Variants in AXDND1 observed in about 807,000 individuals in gnomAD.
The protein encoded by AXDND1 is axonemal dynein light chain domain-containing protein 1.
A neutral mutation model predicts 137.5 loss-of-function variants in AXDND1; 110 were observed. The ratio of observed to expected loss-of-function variants is 0.80; its 90% CI spans 0.69 to 0.94. The LOEUF is 0.94. AXDND1 is among the 40% of genes least tolerant of loss of function. AXDND1 has a pLI of 0.00. For synonymous variants in AXDND1, 414 were observed against 399.7 expected (o/e 1.04, Z -0.43); for missense variants, 1,191 against 1,169.8 (o/e 1.02, Z -0.26).
At chr1:179,516,862 C>T (rs1414964159) in intron 21 of AXDND1, among the ~76,000 whole-genome samples, 2 of 152,098 alleles carry the variant, frequency 1.3e-5, no homozygotes, top group Admixed American at 6.6e-5. Context: ...GAGGTGGCAG[C>T]GGGGGTGAAA....
rs183372912 is a variant in AXDND1, at chr1:179,500,961, C to G, written c.2388+8010C>G. On this transcript the variant is annotated intron_variant, in intron 20 of 25. Transcript: ENST00000367618. ...TACTGGGATTACAGGTGTGAGCCAC[C>G]ATGCCTGGCTGAATTAATTTAAATT... is the stretch of plus-strand genomic sequence containing the variant. Among the ~76,000 whole-genome samples the G allele has an allele frequency of 9.9e-5, 15 of 152,254 alleles. No homozygotes were observed. The East Asian group carries it at 2.9e-3, about 29-fold the overall frequency.
intron 20 of AXDND1, among the ~76,000 whole-genome samples, chr1:179,496,413 G>A (rs1667454351): frequency 6.6e-6 from 1 of 152,006 alleles, no homozygotes; most frequent in Non-Finnish European, 1.5e-5. Flanking sequence ...ATCACATATA[G>A]AGCTATTATT....
At chr1:179,478,305 G>A (rs755833392) in intron 17 of AXDND1, among the ~76,000 whole-genome samples, 2 of 152,218 alleles carry the variant, frequency 1.3e-5, no homozygotes, top group East Asian at 1.9e-4. Context: ...CCTAGCAGAC[G>A]TTCTCCATTA....
intron 20 of AXDND1, among the ~76,000 whole-genome samples, chr1:179,493,480 A>G (rs1667140420): frequency 1.3e-5 from 2 of 152,128 alleles, no homozygotes; most frequent in Non-Finnish European, 2.9e-5. Context: ...TAAGTCTTTG[A>G]ATGGATGTAT....
rs566182204 is a variant in AXDND1 at position 179,413,598 on chromosome 1, A to G, written c.1230+2332A>G. Among the ~76,000 whole-genome samples the G allele has an allele frequency of 9.2e-5, 14 of 152,334 alleles. No individual in the cohort carries two copies. In the South Asian group the frequency reaches 1.7e-3, roughly 18 times the overall value. On this transcript the variant is annotated intron_variant, in intron 12 of 25. Coordinates refer to ENST00000367618, the MANE Select transcript of AXDND1 (RefSeq NM_144696.6). ...TAATTTCATTCTCTTTTATGGCTGC[A>G]TAATATTCCATGGTATATACCACAT...
intron 21 of AXDND1, among the ~76,000 whole-genome samples, chr1:179,521,758 A>AT (rs34139679): frequency 0.046 from 5,672 of 123,460 alleles, 155 homozygotes; most frequent in Middle Eastern, 0.072. Flanking sequence ...TCATTCTTAC[A>AT]TTTTTTTTTT....
chr1:179,456,028 C>T, intron 16 of AXDND1: 1 of 379,564 alleles, frequency 2.6e-6, no homozygotes, highest in Non-Finnish European at 5.1e-6. Context: ...CTAAAATAAC[C>T]TGTTATAGAG....
intron 11 of AXDND1, among the ~76,000 whole-genome samples, chr1:179,401,833 G>A (rs1652120850): frequency 6.6e-6 from 1 of 152,022 alleles, no homozygotes; most frequent in Non-Finnish European, 1.5e-5. Context: ...GGCCTCCCCA[G>A]CCACGTGGAA....
intron 12 of AXDND1, among the ~76,000 whole-genome samples, chr1:179,426,977 C>T (rs926240907): frequency 4.6e-5 from 7 of 151,974 alleles, no homozygotes; most frequent in Admixed American, 3.3e-4. Flanking sequence ...GCCTGGCCAA[C>T]GTGGTAAAAC....
intron 12 of AXDND1, among the ~76,000 whole-genome samples, chr1:179,413,423 A>G (rs1654193634): frequency 6.6e-6 from 1 of 152,210 alleles, no homozygotes; most frequent in East Asian, 1.9e-4. Flanking sequence ...TGGAGTCACC[A>G]GTGTCTATTA....
intron 20 of AXDND1, among the ~76,000 whole-genome samples, chr1:179,500,448 T>C (rs1212613959): frequency 6.6e-6 from 1 of 151,380 alleles, no homozygotes; most frequent in Non-Finnish European, 1.5e-5. Context: ...ATTTCAAAAT[T>C]ATAAAGTACT....
At chr1:179,386,197 G>A (rs918347376) in intron 9 of AXDND1, among the ~76,000 whole-genome samples, 2 of 151,768 alleles carry the variant, frequency 1.3e-5, no homozygotes, top group South Asian at 2.1e-4. Context: ...GATTACAGGC[G>A]CCTGCCACCA....
In AXDND1 at chr1:179,366,729, A is replaced by G. The variant is rs1667448808; in HGVS notation, c.97+123A>G. ...TTGATTGGCTACATTTTTCTAACAC[A>G]CTTGCTTAAATAAAGCAAGAAGTCA... On this transcript the variant is annotated intron_variant, in intron 2 of 25. Coordinates refer to ENST00000367618, the MANE Select transcript of AXDND1 (RefSeq NM_144696.6). 3.5e-5 allele frequency: 27 copies of G among 774,738 alleles called. No homozygotes were observed. The South Asian group carries it at 4.3e-4, about 12-fold the overall frequency. 48.0% of individuals were successfully genotyped at this position (774,738 alleles called of 1,614,324 possible). A position where few individuals can be genotyped will look rare whatever the true frequency, so the allele number is the denominator to read the frequency against.
chr1:179,486,127 A>AG lies in AXDND1; in HGVS notation c.2091+2906_2091+2907insG, dbSNP rs1471241800. ...GGAGCAAAACTCTGTCTCAAAAAAA[A>AG]AAAAAAAAAAAAAACCTGATAGAAA... On this transcript the variant is annotated intron_variant, in intron 18 of 25. Coordinates refer to ENST00000367618, the MANE Select transcript of AXDND1 (RefSeq NM_144696.6). 4.8e-5 allele frequency among the ~76,000 whole-genome samples: 5 copies of AG among 105,168 alleles called. 1 individual carries two copies. The highest frequency in any genetic ancestry group is 1.6e-4 in the African/African-American group (5 of 30,600). The allele number at this position is 105,168 out of a possible 152,430, so 69.0% of individuals were successfully genotyped here. A position where few individuals can be genotyped will look rare whatever the true frequency, so the allele number is the denominator to read the frequency against.
At chr1:179,539,853 C>T (rs554384962) in intron 25 of AXDND1, among the ~76,000 whole-genome samples, 45 of 152,212 alleles carry the variant, frequency 3.0e-4, no homozygotes, top group South Asian at 8.3e-4. Context: ...GGTCTTTTCA[C>T]ATAGTCCCAT....
At chr1:179,389,904 T>C (rs1045776457) in intron 9 of AXDND1, among the ~76,000 whole-genome samples, 5 of 152,160 alleles carry the variant, frequency 3.3e-5, no homozygotes, top group Admixed American at 6.5e-5. Context: ...CTTTCAGCCT[T>C]AAAGCAAGGG....
At chr1:179,472,220 A>G (rs1664036772) in intron 17 of AXDND1, among the ~76,000 whole-genome samples, 1 of 152,036 alleles carries the variant, frequency 6.6e-6, no homozygotes, top group Non-Finnish European at 1.5e-5. Context: ...ATTAATCTCA[A>G]AGTATTTTTA....
intron 25 of AXDND1, among the ~76,000 whole-genome samples, chr1:179,535,721 T>C (rs975465399): frequency 1.3e-5 from 2 of 151,716 alleles, no homozygotes; most frequent in Non-Finnish European, 2.9e-5. Flanking sequence ...TGATTTATAA[T>C]CCTTTGGGTA....
chr1:179,546,488 G>A (rs1345486134), intron 25 of AXDND1, among the ~76,000 whole-genome samples: 4 of 151,414 alleles, frequency 2.6e-5, no homozygotes, highest in African/African-American at 9.8e-5. Context: ...GCAGAGTGGA[G>A]GGAGGAACTT....
Sources: gnomAD v4.1 joint callset for allele counts (sites outside exome capture counted in the v4.1 genomes callset) on GRCh38, gnomAD v4.1.1 for gene constraint, MANE v1.5 for transcripts, NCBI Gene and HGNC (gene_info 2026-07-23, HGNC 2026-07-21) for gene names.